Variants in DLC1 observed in about 807,000 individuals in gnomAD.
DLC1 encodes rho GTPase-activating protein 7.
Under a neutral mutation model 140.3 loss-of-function variants are expected in DLC1, and 54 were observed. The ratio of observed to expected loss-of-function variants is 0.38; its 90% CI spans 0.31 to 0.48. DLC1 has a LOEUF of 0.48. Among genes scored for constraint, DLC1 ranks in the 20% least tolerant of loss-of-function variants. The pLI is 0.96. For missense variants in DLC1, 2,536 were observed against 1,907.0 expected (o/e 1.33, Z -6.14); for synonymous variants, 986 against 728.1 (o/e 1.35, Z -5.70).
At chr8:13,489,236 C>T (rs1339804816) in intron 2 of DLC1, among the ~76,000 whole-genome samples, 1 of 152,070 alleles carries the variant, frequency 6.6e-6, no homozygotes, top group Non-Finnish European at 1.5e-5. Flanking sequence ...CGTGAGCCAC[C>T]GTGCCTGGCC....
chr8:13,363,016 T>C (rs527593095), intron 4 of DLC1, among the ~76,000 whole-genome samples: 5 of 152,204 alleles, frequency 3.3e-5, no homozygotes, highest in Non-Finnish European at 5.9e-5. Flanking sequence ...TCAGTAATTG[T>C]GCATTACCCT....
intron 1 of DLC1, among the ~76,000 whole-genome samples, chr8:13,585,278 A>T (rs566408735): frequency 2.0e-4 from 30 of 152,298 alleles, no homozygotes; most frequent in African/African-American, 7.2e-4. Context: ...AGAATGAAGA[A>T]ATAGGCCTAG....
Position 13,100,803 on chromosome 8 carries a change from G to GGGGC in DLC1, c.1567-37_1567-34dup, listed in dbSNP as rs774004616. On this transcript the variant is annotated intron_variant, in intron 8 of 17. Coordinates refer to ENST00000276297, the MANE Select transcript of DLC1 (RefSeq NM_182643.3). Reference sequence around the variant, plus strand: ...GACAGAAAGGAGCCATTCACACACTGGGGCTGGCAGCCAGCAGGGAGCAGG... The same window carrying GGGGC: ...GACAGAAAGGAGCCATTCACACACTGGGGCGGGCTGGCAGCCAGCAGGGAGCAGG... 3.3e-6 allele frequency: 5 copies of GGGGC among 1,523,826 alleles called. No homozygotes were observed. In the East Asian group the frequency reaches 1.1e-4, roughly 35 times the overall value. 94.4% of individuals were successfully genotyped at this position (1,523,826 alleles called of 1,614,324 possible). A position where few individuals can be genotyped will look rare whatever the true frequency, so the allele number is the denominator to read the frequency against.
At chr8:13,121,939 G>C (rs981761419) in intron 5 of DLC1, among the ~76,000 whole-genome samples, 7 of 152,096 alleles carry the variant, frequency 4.6e-5, no homozygotes, top group African/African-American at 1.7e-4. Flanking sequence ...TTGTATTTCA[G>C]AAAAGCTCCC....
rs553176967 is a variant in DLC1 at position 13,172,724 on chromosome 8, G to A, written c.1349-57067C>T. ...TGTTTCTGTTTCAGTATCAGAAAAT[G>A]GAAGTTCGATTCCTCAGTAGCTTCG... is the stretch of plus-strand genomic sequence containing the variant. On this transcript the variant is annotated intron_variant, in intron 5 of 17. Transcript: ENST00000276297. Among the ~76,000 whole-genome samples, 25 of 152,276 alleles carry A rather than the reference G, an allele frequency of 1.6e-4. No homozygotes were observed. The South Asian group carries it at 3.3e-3, about 20-fold the overall frequency.
chr8:13,321,069 T>C (rs1026974894), intron 4 of DLC1, among the ~76,000 whole-genome samples: 2 of 152,014 alleles, frequency 1.3e-5, no homozygotes, highest in Non-Finnish European at 2.9e-5. Context: ...TCTGTATAAA[T>C]TACTCGCCCT....
intron 1 of DLC1, among the ~76,000 whole-genome samples, chr8:13,505,227 T>C (rs1270462877): frequency 6.6e-6 from 1 of 152,018 alleles, no homozygotes; most frequent in Non-Finnish European, 1.5e-5. Flanking sequence ...CCAAAACATA[T>C]GAAGCAATGA....
chr8:13,451,037 CAAAAA>C (rs1169620786), intron 2 of DLC1, among the ~76,000 whole-genome samples: 133 of 18,296 alleles, frequency 7.3e-3, no homozygotes, highest in African/African-American at 0.014. Flanking sequence ...GACTCCGTCT[CAAAAA>C]AAAAAAAAAA....
chr8:13,534,761 A>C (rs997096205), intron 1 of DLC1, among the ~76,000 whole-genome samples: 1 of 152,198 alleles, frequency 6.6e-6, no homozygotes, highest in African/African-American at 2.4e-5. Context: ...CAGGACTGAC[A>C]CCAGCAATAT....
intron 1 of DLC1, among the ~76,000 whole-genome samples, chr8:13,589,387 T>C (rs958933468): frequency 5.9e-5 from 9 of 152,122 alleles, no homozygotes; most frequent in African/African-American, 2.2e-4. Context: ...TGAGTCTCCA[T>C]TTCTCCTGAG....
intron 5 of DLC1, among the ~76,000 whole-genome samples, chr8:13,221,718 G>C (rs1828560436): frequency 9.3e-6 from 1 of 107,186 alleles, no homozygotes; most frequent in Non-Finnish European, 1.8e-5. Context: ...GTATATGTGT[G>C]TGTGTGTGTA....
At chr8:13,459,568 C>T (rs1367305313) in intron 2 of DLC1, among the ~76,000 whole-genome samples, 1 of 152,084 alleles carries the variant, frequency 6.6e-6, no homozygotes, top group Non-Finnish European at 1.5e-5. Flanking sequence ...CGCTGTGTTC[C>T]AATGGGGGCA....
At chr8:13,284,107 G>A (rs538536984) in intron 5 of DLC1, among the ~76,000 whole-genome samples, 18 of 152,242 alleles carry the variant, frequency 1.2e-4, no homozygotes, top group Non-Finnish European at 2.4e-4. Flanking sequence ...CAGTGAGTAT[G>A]AAGAGACCTC....
intron 4 of DLC1, among the ~76,000 whole-genome samples, chr8:13,346,584 C>A (rs1037304976): frequency 6.6e-6 from 1 of 152,150 alleles, no homozygotes; most frequent in Non-Finnish European, 1.5e-5. Flanking sequence ...GTAACTTGAG[C>A]GGCAGGTGCC....
At chr8:13,252,581 T>C (rs1830056346) in intron 5 of DLC1, among the ~76,000 whole-genome samples, 3 of 152,214 alleles carry the variant, frequency 2.0e-5, no homozygotes, top group African/African-American at 7.2e-5. Flanking sequence ...TAGTATCTTA[T>C]TTACTAAGGG....
At chr8:13,498,972 C>G (rs746275389) in intron 2 of DLC1, 77 bp downstream of exon 2, 48 of 1,473,928 alleles carry the variant, frequency 3.3e-5, no homozygotes, top group Middle Eastern at 1.8e-4. Context: ...CTTTTTAATC[C>G]AAGCAAAATG....
chr8:13,597,385 G>T (rs527276892), intron 1 of DLC1, among the ~76,000 whole-genome samples: 1 of 152,044 alleles, frequency 6.6e-6, no homozygotes, highest in South Asian at 2.1e-4. Context: ...TCTAATCTTT[G>T]TTCAGACTGC....
intron 2 of DLC1, among the ~76,000 whole-genome samples, chr8:13,462,396 CTTTTTTTT>C (rs869264457): frequency 7.6e-6 from 1 of 131,126 alleles, no homozygotes; most frequent in East Asian, 2.2e-4. Flanking sequence ...CATTACTATT[CTTTTTTTT>C]TTTTTTTTTT....
At chr8:13,246,927 C>T (rs1829790326) in intron 5 of DLC1, among the ~76,000 whole-genome samples, 1 of 152,054 alleles carries the variant, frequency 6.6e-6, no homozygotes, top group Non-Finnish European at 1.5e-5. Context: ...CAGTAGAGTG[C>T]CCCACCTAGA....
Sources: allele counts gnomAD v4.1 joint callset (sites outside exome capture counted in the v4.1 genomes callset), GRCh38; gene constraint gnomAD v4.1.1; transcripts MANE v1.5; gene names NCBI Gene and HGNC (gene_info 2026-07-23, HGNC 2026-07-21).